TOGARAM2: variants seen among roughly 807,000 people sequenced by gnomAD.
TOGARAM2 encodes the protein TOG array regulator of axonemal microtubules protein 2.
In TOGARAM2, 85 loss-of-function variants were observed where a neutral mutation model predicts 93.3. That is an observed-to-expected ratio of 0.91 (90% confidence interval 0.76 to 1.09). The LOEUF (loss-of-function observed/expected upper bound fraction) is 1.09. Ranked by LOEUF, TOGARAM2 falls within the 50% of genes least tolerant of loss-of-function variation. The pLI is 0.00. For missense variants in TOGARAM2, 1,277 were observed against 1,334.5 expected, an observed-to-expected ratio of 0.96 and a Z score of 0.67; for synonymous variants, 593 against 552.8, an observed-to-expected ratio of 1.07 and a Z score of -1.02.
chr2:28,992,166 C>T (rs534923833), intron 1 of TOGARAM2, among the ~76,000 whole-genome samples: 2 of 152,298 alleles, frequency 1.3e-5, no homozygotes, highest in Non-Finnish European at 2.9e-5. Context: ...GCTGGACTTC[C>T]TGATTCTGAT....
rs371596775 is a variant in TOGARAM2 at position 29,035,656 on chromosome 2, G to T, written c.2418G>T (p.Gln806His). 31 of 1,437,278 alleles carry T rather than the reference G, an allele frequency of 2.2e-5. No homozygotes were observed. Among genetic ancestry groups the T allele is most frequent in the Non-Finnish European group, 2.8e-5 (30 of 1,086,054 alleles). The allele number at this position is 1,437,278 out of a possible 1,614,324, so 89.0% of individuals were successfully genotyped here. The change falls in exon 17 of 20, where the codon CAG becomes CAT. Residue 806 changes from glutamine to histidine, a missense_variant and splice_region_variant. Physicochemically the swap from Gln to His is conservative, Grantham distance 24. Transcript: ENST00000379558. ...AGCTTGTCACTGCCCACCTGGTCCA[G>T]GTGAGCACCGCTTGCTTTTACTCTC... is the stretch of plus-strand genomic sequence containing the variant. Reference protein sequence around the residue: ...KTELVTAHLVQVFDAFTPRLQ... With the variant: ...KTELVTAHLVHVFDAFTPRLQ...
chr2:28,963,401 TC>T, intron 1 of TOGARAM2, among the ~76,000 whole-genome samples: 1 of 152,164 alleles, frequency 6.6e-6, no homozygotes, highest in Non-Finnish European at 1.5e-5. Context: ...AGAGATGAGG[TC>T]TTGCTCTGTC....
rs142646139 is a variant in TOGARAM2 at position 29,013,510 on chromosome 2, C to G, written c.878-885C>G. Among the ~76,000 whole-genome samples, 1,307 of 152,296 alleles carry G rather than the reference C, an allele frequency of 8.6e-3. 8 individuals are homozygous for G. Among genetic ancestry groups the G allele is most frequent in the Middle Eastern group, 0.054 (16 of 294 alleles). On this transcript the variant is annotated intron_variant, in intron 7 of 19. Transcript: ENST00000379558. Reference sequence around the variant, plus strand: ...AAACCAGGGACGCCAACAGTGCAGCCTTCAGTCTGTGACCAAAAGTCCGAG... The same window carrying G: ...AAACCAGGGACGCCAACAGTGCAGCGTTCAGTCTGTGACCAAAAGTCCGAG...
intron 10 of TOGARAM2, among the ~76,000 whole-genome samples, chr2:29,021,732 A>G (rs1664956678): frequency 6.6e-6 from 1 of 152,172 alleles, no homozygotes; most frequent in Non-Finnish European, 1.5e-5. Context: ...CTGACCATAC[A>G]GGCCTCTGGT....
intron 18 of TOGARAM2, among the ~76,000 whole-genome samples, chr2:29,037,584 C>T (rs546521658): frequency 5.3e-5 from 8 of 152,262 alleles, no homozygotes; most frequent in South Asian, 2.1e-4. Context: ...CCCCTCCCCC[C>T]GACCCCACCC....
intron 2 of TOGARAM2, among the ~76,000 whole-genome samples, chr2:28,997,932 G>A (rs1391694576): frequency 6.6e-5 from 10 of 152,194 alleles, no homozygotes; most frequent in Non-Finnish European, 1.3e-4. Context: ...TGGGGCAAGC[G>A]GGGTTGGAGG....
intron 6 of TOGARAM2, 52 bp downstream of exon 6, chr2:29,003,734 C>G: frequency 9.4e-6 from 13 of 1,389,158 alleles, no homozygotes; most frequent in Non-Finnish European, 1.2e-5. Context: ...CTCTGTCCCC[C>G]TGAGATCCAC....
Position 29,016,202 on chromosome 2 carries a change from G to A in TOGARAM2, c.1045-952G>A, listed in dbSNP as rs1486645432. Among the ~76,000 whole-genome samples the A allele has an allele frequency of 3.9e-5, 6 of 152,058 alleles. No homozygotes were observed. In the South Asian group the frequency reaches 8.3e-4, roughly 21 times the overall value. ...TCCTTGGCTCCTCTCTTCCTCTCTC[G>A]CCCCGCACCTCATATATCAGCGAAG... On this transcript the variant is annotated intron_variant, in intron 8 of 19. Transcript: ENST00000379558.
At chr2:28,969,331 T>C (rs1474545905) in intron 1 of TOGARAM2, among the ~76,000 whole-genome samples, 1 of 152,168 alleles carries the variant, frequency 6.6e-6, no homozygotes, top group Non-Finnish European at 1.5e-5. Flanking sequence ...CCACACAGCA[T>C]TTGTAGCTGC....
At chr2:28,992,603 G>A (rs900567746) in intron 1 of TOGARAM2, among the ~76,000 whole-genome samples, 29 of 152,174 alleles carry the variant, frequency 1.9e-4, no homozygotes, top group Admixed American at 6.5e-4. Context: ...ACCTCAGGCG[G>A]CTCGAGTCTT....
At chr2:29,045,261 A>C in intron 18 of TOGARAM2, 63 bp from the exon 19 acceptor site, 18 of 1,386,040 alleles carry the variant, frequency 1.3e-5, no homozygotes, top group Non-Finnish European at 1.7e-5. Context: ...TGGCCCTGCA[A>C]ACCCCTAGTG....
intron 1 of TOGARAM2, among the ~76,000 whole-genome samples, chr2:28,988,253 G>C (rs569211963): frequency 1.3e-5 from 2 of 152,300 alleles, no homozygotes; most frequent in Non-Finnish European, 2.9e-5. Context: ...GGAATGGTTT[G>C]GTTCTTCTAA....
chr2:29,035,406 TG>T, intron 16 of TOGARAM2, 57 bp from the exon 17 acceptor site: 1 of 1,277,466 alleles, frequency 7.8e-7, no homozygotes, highest in Non-Finnish European at 1.0e-6. Flanking sequence ...GGACCAGAAG[TG>T]GGTTCATTCC....
intron 3 of TOGARAM2, among the ~76,000 whole-genome samples, chr2:28,998,459 G>T (rs757567704): frequency 3.2e-4 from 48 of 152,344 alleles, no homozygotes; most frequent in African/African-American, 1.1e-3. Flanking sequence ...AGGGGGACCC[G>T]CAGGAATAGG....
At chr2:28,999,959 C>T (rs1308226611) in intron 4 of TOGARAM2, among the ~76,000 whole-genome samples, 3 of 152,004 alleles carry the variant, frequency 2.0e-5, no homozygotes, top group Non-Finnish European at 4.4e-5. Context: ...CCCCACCCCT[C>T]CTCCGTTTCC....
intron 12 of TOGARAM2, 43 bp from the exon 13 acceptor site, chr2:29,024,096 G>A (rs1190350276): frequency 6.6e-7 from 1 of 1,507,638 alleles, no homozygotes; most frequent in South Asian, 1.2e-5. Context: ...CAGAGCCCTT[G>A]GCAGGGTCCA....
At chr2:28,998,035 AC>A in intron 2 of TOGARAM2, 107 bp from the exon 3 acceptor site, 1 of 694,982 alleles carries the variant, frequency 1.4e-6, no homozygotes, top group African/African-American at 1.9e-5. Flanking sequence ...TTGGGCAGGG[AC>A]CCTGCGGGGT....
chr2:28,995,727 A>C (rs560538817), intron 2 of TOGARAM2, among the ~76,000 whole-genome samples: 1 of 152,366 alleles, frequency 6.6e-6, no homozygotes, highest in Non-Finnish European at 1.5e-5. Context: ...TGAGACTCAG[A>C]GAAGTTAGCT....
At chr2:28,991,566 G>C (rs1348091880) in intron 1 of TOGARAM2, among the ~76,000 whole-genome samples, 2 of 152,202 alleles carry the variant, frequency 1.3e-5, no homozygotes, top group Non-Finnish European at 2.9e-5. Context: ...GAAAGTCGGA[G>C]CGGGTGGTGT....
Sources: allele counts gnomAD v4.1 joint callset (sites outside exome capture counted in the v4.1 genomes callset), GRCh38; gene constraint gnomAD v4.1.1; transcripts MANE v1.5; gene names NCBI Gene and HGNC (gene_info 2026-07-23, HGNC 2026-07-21).